The following KIF6 variants were observed in gnomAD, a reference collection of about 807,000 sequenced individuals.
The protein encoded by KIF6 is kinesin family member 6, also known as kinesin-like protein KIF6.
A neutral mutation model predicts 112.7 loss-of-function variants in KIF6; 106 were observed. That is an observed-to-expected ratio of 0.94 (90% CI 0.80 to 1.11). KIF6 has a LOEUF of 1.11. KIF6 is among the 50% of genes least tolerant of loss of function. The pLI is 0.00. For synonymous variants in KIF6, 339 were observed against 339.9 expected (o/e 1.00, Z 0.03); for missense variants, 929 against 964.0 (o/e 0.96, Z 0.48).
At chr6:39,640,730 G>T (rs1784858340) in intron 3 of KIF6, among the ~76,000 whole-genome samples, 1 of 152,060 alleles carries the variant, frequency 6.6e-6, no homozygotes, top group African/African-American at 2.4e-5. Context: ...CATTATAAGG[G>T]TCTCCTAAAA....
chr6:39,388,311 T>G (rs564102246), intron 15 of KIF6, among the ~76,000 whole-genome samples: 1 of 151,504 alleles, frequency 6.6e-6, no homozygotes, highest in South Asian at 2.1e-4. Context: ...ATGACCAGGT[T>G]TAAGGATTCT....
At chr6:39,532,748 C>G (rs1449032417) in intron 13 of KIF6, among the ~76,000 whole-genome samples, 3 of 152,160 alleles carry the variant, frequency 2.0e-5, no homozygotes, top group Non-Finnish European at 4.4e-5. Flanking sequence ...CAGGCTGAAT[C>G]CTTCAGAAAA....
At position 39,392,069 on chromosome 6, in the gene KIF6, T is replaced by C. The variant is rs112940362; in HGVS notation, c.1811-6397A>G. Among the ~76,000 whole-genome samples the C allele has an allele frequency of 4.4e-3, 673 of 152,352 alleles. 8 individuals are homozygous for C. The highest frequency in any genetic ancestry group is 0.015 in the African/African-American group (612 of 41,586). On this transcript the variant is annotated intron_variant, in intron 15 of 22. Coordinates refer to ENST00000287152, the MANE Select transcript of KIF6 (RefSeq NM_145027.6). ...CAACCATTCTAGTTGGTTTGATGTA[T>C]GTGCTTTTATTGTAGGTGTTCTTAC...
chr6:39,518,959 G>A (rs1777221420), intron 13 of KIF6, among the ~76,000 whole-genome samples: 1 of 152,182 alleles, frequency 6.6e-6, no homozygotes, highest in Non-Finnish European at 1.5e-5. Flanking sequence ...CAGTGAAGAT[G>A]GGAAAACTAC....
At chr6:39,679,544 A>G (rs1336726004) in intron 3 of KIF6, among the ~76,000 whole-genome samples, 1 of 151,740 alleles carries the variant, frequency 6.6e-6, no homozygotes, top group Non-Finnish European at 1.5e-5. Context: ...CAGAATGTCC[A>G]TGTTTCTGAA....
intron 5 of KIF6, among the ~76,000 whole-genome samples, chr6:39,631,357 T>G (rs1784343447): frequency 6.6e-6 from 1 of 152,120 alleles, no homozygotes; most frequent in Non-Finnish European, 1.5e-5. Flanking sequence ...ATTGTTGCAT[T>G]GTTTCTGATC....
At chr6:39,346,132 C>CTCTCTCTCTCTCTCTCTCTCT (rs1763766405) in intron 20 of KIF6, among the ~76,000 whole-genome samples, 1 of 26,916 alleles carries the variant, frequency 3.7e-5, no homozygotes, top group Non-Finnish European at 7.2e-5. Context: ...CCTCCCTCTC[C>CTCTCTCTCTCTCTCTCTCTCT]CTCTCTCTCT....
At chr6:39,664,775 A>G (rs1786366542) in intron 3 of KIF6, among the ~76,000 whole-genome samples, 2 of 152,194 alleles carry the variant, frequency 1.3e-5, no homozygotes, top group South Asian at 4.1e-4. Context: ...GGAGTCAATC[A>G]TAATCCCCAA....
At chr6:39,588,982 T>C (rs1200713590) in intron 7 of KIF6, among the ~76,000 whole-genome samples, 1 of 152,182 alleles carries the variant, frequency 6.6e-6, no homozygotes, top group Non-Finnish European at 1.5e-5. Context: ...CAATCTAAGT[T>C]ATGCCAAGTT....
At chr6:39,543,994 C>T (rs1778933384) in intron 12 of KIF6, among the ~76,000 whole-genome samples, 1 of 152,226 alleles carries the variant, frequency 6.6e-6, no homozygotes, top group Non-Finnish European at 1.5e-5. Flanking sequence ...AATTTGGGAA[C>T]ATTTGTAAGT....
intron 1 of KIF6, among the ~76,000 whole-genome samples, chr6:39,722,365 AG>A (rs1360917953): frequency 6.6e-5 from 10 of 152,210 alleles, no homozygotes; most frequent in Non-Finnish European, 1.3e-4. Flanking sequence ...TCACTTGTTT[AG>A]TGTAATATTG....
chr6:39,515,536 CCTATTTTGATTCTT>C (rs1777032933), intron 13 of KIF6, among the ~76,000 whole-genome samples: 1 of 152,190 alleles, frequency 6.6e-6, no homozygotes, highest in Non-Finnish European at 1.5e-5. Flanking sequence ...TGTCACCACT[CCTATTTTGATTCTT>C]ATCATTAAAA....
At chr6:39,597,262 A>T (rs184869430) in intron 6 of KIF6, among the ~76,000 whole-genome samples, 133 of 152,358 alleles carry the variant, frequency 8.7e-4, no homozygotes, top group African/African-American at 3.0e-3. Context: ...TAAAATGAAA[A>T]GTAATGCTGT....
intron 13 of KIF6, among the ~76,000 whole-genome samples, chr6:39,502,399 T>C (rs1427706699): frequency 6.6e-6 from 1 of 151,668 alleles, no homozygotes; most frequent in Non-Finnish European, 1.5e-5. Flanking sequence ...CACACTGAAG[T>C]ACACAGACCA....
intron 13 of KIF6, among the ~76,000 whole-genome samples, chr6:39,537,660 C>T (rs1321085696): frequency 1.3e-5 from 2 of 152,088 alleles, no homozygotes; most frequent in Admixed American, 6.5e-5. Context: ...TTTATAGATT[C>T]AATGCCATCC....
At position 39,342,777 on chromosome 6, in the gene KIF6, C is replaced by T; in HGVS notation, c.2428+932G>A. On this transcript the variant is annotated intron_variant, in intron 22 of 22. Coordinates refer to ENST00000287152, the MANE Select transcript of KIF6 (RefSeq NM_145027.6). This position sits in a 1 kb window ranked among gnomAD's most constrained non-coding sequence, Gnocchi z 4.7. The stretch of plus-strand genomic sequence containing the variant: ...GTAAATAAGCAGGCTGGCGGCCAAG[C>T]AAGGCGAGTACAGGACCAAGGCCGG... The T allele has an allele frequency of 3.0e-6, 3 of 985,254 alleles. No individual in the cohort carries two copies. Among genetic ancestry groups the T allele is most frequent in the Non-Finnish European group, 3.6e-6 (3 of 829,876 alleles). The allele number at this position is 985,254 out of a possible 1,614,324, so 61.0% of individuals were successfully genotyped here.
intron 7 of KIF6, among the ~76,000 whole-genome samples, chr6:39,589,320 T>A (rs1156340576): frequency 6.6e-6 from 1 of 152,240 alleles, no homozygotes; most frequent in African/African-American, 2.4e-5. Flanking sequence ...TCTTTTTTTA[T>A]TTTTCTTATA....
chr6:39,521,451 CG>C (rs1167161011), intron 13 of KIF6, among the ~76,000 whole-genome samples: 1 of 152,080 alleles, frequency 6.6e-6, no homozygotes, highest in Admixed American at 6.5e-5. Flanking sequence ...TCTATGAAGC[CG>C]CAAAACTGTT....
intron 13 of KIF6, among the ~76,000 whole-genome samples, chr6:39,443,145 AATAATAATAAT>A (rs1261515283): frequency 1.6e-4 from 22 of 140,856 alleles, no homozygotes; most frequent in African/African-American, 4.7e-4. Flanking sequence ...TAATAATAAT[AATAATAATAAT>A]AATAAATAAA....
Sources: allele counts gnomAD v4.1 joint callset (sites outside exome capture counted in the v4.1 genomes callset), GRCh38; gene constraint gnomAD v4.1.1; non-coding constraint Gnocchi (gnomAD v3.1); transcripts MANE v1.5; gene names NCBI Gene and HGNC (gene_info 2026-07-23, HGNC 2026-07-21).